The following CADM2 variants were observed in gnomAD, a reference collection of about 807,000 sequenced individuals.
CADM2 encodes cell adhesion molecule 2, also known as immunoglobulin superfamily member 4D.
A neutral mutation model predicts 49.8 loss-of-function variants in CADM2; 12 were observed. That is an observed-to-expected ratio of 0.24 (90% CI 0.15 to 0.39). CADM2 has a LOEUF of 0.39. Among genes scored for constraint, CADM2 ranks in the 10% least tolerant of loss-of-function variants. The pLI is 1.00. For missense variants in CADM2, 378 were observed against 492.3 expected, an observed-to-expected ratio of 0.77 and a Z score of 2.20; for synonymous variants, 214 against 175.4, an observed-to-expected ratio of 1.22 and a Z score of -1.74.
chr3:85,000,689 G>GT (rs1231767746), intron 1 of CADM2, among the ~76,000 whole-genome samples: 3 of 151,460 alleles, frequency 2.0e-5, no homozygotes, highest in South Asian at 4.2e-4. Flanking sequence ...CTTGGTTGTT[G>GT]TTTTTTTTAA....
intron 6 of CADM2, among the ~76,000 whole-genome samples, chr3:85,922,916 G>C (rs1719326954): frequency 6.6e-6 from 1 of 151,554 alleles, no homozygotes; most frequent in African/African-American, 2.4e-5. Flanking sequence ...CCGCCTCCCG[G>C]GTTCAAGCGA....
At chr3:85,925,730 A>G (rs1393547248) in intron 6 of CADM2, among the ~76,000 whole-genome samples, 1 of 152,204 alleles carries the variant, frequency 6.6e-6, no homozygotes, top group Non-Finnish European at 1.5e-5. Context: ...GGAGTAAGCA[A>G]TGATGTGAGA....
At chr3:85,816,188 G>C (rs1045210440) in intron 3 of CADM2, among the ~76,000 whole-genome samples, 1 of 149,856 alleles carries the variant, frequency 6.7e-6, no homozygotes, top group South Asian at 2.1e-4. Flanking sequence ...CTCCCCCATA[G>C]TGAATCTGTA....
At chr3:85,295,950 GA>G (rs1003828518) in intron 1 of CADM2, among the ~76,000 whole-genome samples, 4 of 149,872 alleles carry the variant, frequency 2.7e-5, no homozygotes, top group African/African-American at 7.3e-5. Context: ...AAAAGAAGAA[GA>G]AAAAAAAAGT....
chr3:85,595,332 T>C (rs55753638), intron 1 of CADM2, among the ~76,000 whole-genome samples: 12,657 of 152,022 alleles, frequency 0.083, 692 homozygotes, highest in South Asian at 0.17. Flanking sequence ...CCACTGAAAA[T>C]CATTTTATGA....
intron 5 of CADM2, among the ~76,000 whole-genome samples, chr3:85,911,416 G>A (rs1056195990): frequency 2.0e-5 from 3 of 152,190 alleles, no homozygotes; most frequent in Admixed American, 2.0e-4. Flanking sequence ...ATCGATAAAT[G>A]AATTCACATC....
intron 1 of CADM2, among the ~76,000 whole-genome samples, chr3:85,118,590 T>C (rs2038732369): frequency 6.6e-6 from 1 of 152,146 alleles, no homozygotes; most frequent in Non-Finnish European, 1.5e-5. Context: ...CCCATCCTCA[T>C]GACTCAATTA....
intron 1 of CADM2, among the ~76,000 whole-genome samples, chr3:85,306,369 G>A (rs1162007221): frequency 2.6e-5 from 4 of 151,584 alleles, no homozygotes; most frequent in African/African-American, 7.3e-5. Context: ...ACAAATTATT[G>A]ACTTCATCAA....
At chr3:85,356,022 T>C (rs1183823689) in intron 1 of CADM2, among the ~76,000 whole-genome samples, 1 of 152,084 alleles carries the variant, frequency 6.6e-6, no homozygotes, top group Non-Finnish European at 1.5e-5. Flanking sequence ...ATGTTTTGAA[T>C]TAATAATTCA....
At chr3:86,019,419 G>T (rs113752359) in intron 8 of CADM2, among the ~76,000 whole-genome samples, 11 of 150,874 alleles carry the variant, frequency 7.3e-5, no homozygotes, top group South Asian at 4.2e-4. Flanking sequence ...GTGAAGAAAG[G>T]CATTGGTAGC....
rs763157128 is a variant in CADM2 at position 85,657,761 on chromosome 3, G to GATATAT, written c.62-68751_62-68746dup. ...ATATACAGATATATATATATACACA[G>GATATAT]ATATATATATATATACATATACATG... On this transcript the variant is annotated intron_variant, in intron 1 of 9. Transcript: ENST00000383699. Among the ~76,000 whole-genome samples the GATATAT allele has an allele frequency of 2.2e-3, 240 of 111,550 alleles. 1 individual carries two copies. Among genetic ancestry groups the GATATAT allele is most frequent in the African/African-American group, 6.1e-3 (205 of 33,638 alleles). The allele number at this position is 111,550 out of a possible 152,430, so 73.2% of individuals were successfully genotyped here.
chr3:85,223,948 G>T (rs2042095493), intron 1 of CADM2, among the ~76,000 whole-genome samples: 1 of 152,114 alleles, frequency 6.6e-6, no homozygotes, highest in Non-Finnish European at 1.5e-5. Context: ...TTTTTTTATG[G>T]CTGCATAGTA....
intron 1 of CADM2, among the ~76,000 whole-genome samples, chr3:85,358,139 A>T (rs1223687283): frequency 6.6e-6 from 1 of 152,076 alleles, no homozygotes; most frequent in Non-Finnish European, 1.5e-5. Context: ...GAATACTGCA[A>T]ATTGTATAAT....
In CADM2 at chr3:86,027,406, T is replaced by C. The variant is rs191387894; in HGVS notation, c.971-38199T>C. 3.5e-3 allele frequency among the ~76,000 whole-genome samples: 540 copies of C among 152,274 alleles called. 7 individuals are homozygous for C. The highest frequency in any genetic ancestry group is 0.031 in the Middle Eastern group (9 of 294). ...CTTCACAGCCTCAGTAGAGAGGAGA[T>C]AATAGTGTTTTTAAATTCATTCTTT... is the stretch of plus-strand genomic sequence containing the variant. On this transcript the variant is annotated intron_variant, in intron 8 of 9. Coordinates refer to ENST00000383699, the MANE Select transcript of CADM2 (RefSeq NM_001167675.2).
intron 2 of CADM2, among the ~76,000 whole-genome samples, chr3:85,733,070 C>A (rs1303169213): frequency 5.3e-5 from 8 of 152,120 alleles, no homozygotes. Context: ...GGTCCACTGG[C>A]CAGAAAAATA....
intron 1 of CADM2, among the ~76,000 whole-genome samples, chr3:85,233,033 A>G (rs1356246420): frequency 6.6e-6 from 1 of 152,204 alleles, no homozygotes; most frequent in Non-Finnish European, 1.5e-5. Flanking sequence ...GAGGTAATTC[A>G]TATAGTGGAA....
intron 3 of CADM2, among the ~76,000 whole-genome samples, chr3:85,868,815 G>A (rs2075815193): frequency 6.6e-6 from 1 of 152,008 alleles, no homozygotes; most frequent in South Asian, 2.1e-4. Flanking sequence ...GTTGGTTAAC[G>A]AAATCATTGT....
At chr3:86,055,072 G>C (rs985511332) in intron 8 of CADM2, among the ~76,000 whole-genome samples, 1 of 152,172 alleles carries the variant, frequency 6.6e-6, no homozygotes, top group Non-Finnish European at 1.5e-5. Flanking sequence ...ACTAGGCACT[G>C]TGAAATGAAT....
chr3:85,608,134 A>G (rs1283068553), intron 1 of CADM2, among the ~76,000 whole-genome samples: 1 of 152,152 alleles, frequency 6.6e-6, no homozygotes, highest in African/African-American at 2.4e-5. Context: ...GTGGGCATAC[A>G]ATGATGTGTT....
Sources: gnomAD v4.1 joint callset for allele counts (sites outside exome capture counted in the v4.1 genomes callset) on GRCh38, gnomAD v4.1.1 for gene constraint, MANE v1.5 for transcripts, NCBI Gene and HGNC (gene_info 2026-07-23, HGNC 2026-07-21) for gene names.